SLC26A8: variants seen among roughly 807,000 people sequenced by gnomAD.
SLC26A8 encodes the protein testis anion transporter 1.
In SLC26A8, 70 loss-of-function variants were observed where a neutral mutation model predicts 105.0. That is an observed-to-expected ratio of 0.67 (90% CI 0.55 to 0.81). SLC26A8 has a LOEUF of 0.81. Among genes scored for constraint, SLC26A8 ranks in the 40% least tolerant of loss-of-function variants. The pLI is 0.00. For synonymous variants in SLC26A8, 415 were observed against 438.3 expected, an observed-to-expected ratio of 0.95 and a Z score of 0.66; for missense variants, 998 against 1,181.8, an observed-to-expected ratio of 0.84 and a Z score of 2.28.
At position 35,975,768 on chromosome 6, in the gene SLC26A8, C is replaced by T. The variant is rs1478566438; in HGVS notation, c.1174-280G>A. Among the ~76,000 whole-genome samples the T allele has an allele frequency of 2.0e-5, 3 of 151,842 alleles. No individual in the cohort carries two copies. In the East Asian group the frequency reaches 5.8e-4, roughly 30 times the overall value. Reference sequence around the variant, plus strand: ...GTCTCTACTAAAAATACAAAATTTGCCAGGCATAGTGGCGCATGCCTGTAA... The same window carrying T: ...GTCTCTACTAAAAATACAAAATTTGTCAGGCATAGTGGCGCATGCCTGTAA... On this transcript the variant is annotated intron_variant, in intron 9 of 19. Coordinates refer to ENST00000490799, the MANE Select transcript of SLC26A8 (RefSeq NM_052961.4).
Position 35,997,729 on chromosome 6 carries a change from A to G in SLC26A8, c.627+9T>C, listed in dbSNP as rs771251855. On this transcript the variant is annotated intron_variant, in intron 5 of 19. Coordinates refer to ENST00000490799, the MANE Select transcript of SLC26A8 (RefSeq NM_052961.4). ...TTCCTTTTCAGGGATTTGAAGACTC[A>G]GATCCTACCTGAATAATCCCAGTCA... The G allele has an allele frequency of 6.2e-7, 1 of 1,613,044 alleles. No homozygotes were observed. Among genetic ancestry groups the G allele is most frequent in the Admixed American group, 1.7e-5 (1 of 59,902 alleles).
At position 35,951,241 on chromosome 6, in the gene SLC26A8, C is replaced by T; in HGVS notation, c.2394G>A (p.Arg798=). The T allele has an allele frequency of 1.2e-6, 2 of 1,614,180 alleles. No individual in the cohort carries two copies. Among genetic ancestry groups the T allele is most frequent in the Non-Finnish European group, 1.7e-6 (2 of 1,180,042 alleles). Reference sequence around the variant, plus strand: ...TTAACTCAGAGGAGCCTATGACCTTCCTTGACAAGGCAAACAGCACGGCGT... The same window carrying T: ...TTAACTCAGAGGAGCCTATGACCTTTCTTGACAAGGCAAACAGCACGGCGT... ...VHDAVLFALS[R]KVIGSSELSI... The change falls in exon 19 of 20, where the codon AGG becomes AGA. Residue 798 remains arginine, a synonymous_variant. Coordinates refer to ENST00000490799, the MANE Select transcript of SLC26A8 (RefSeq NM_052961.4).
Position 36,000,061 on chromosome 6 carries a change from T to G in SLC26A8, c.376A>C (p.Ile126Leu). 6.2e-7 allele frequency: 1 copy of G among 1,614,082 alleles called. No individual in the cohort carries two copies. The highest frequency in any genetic ancestry group is 8.5e-7 in the Non-Finnish European group (1 of 1,180,000). ...LARQLIPPLNIAYAAFCSSVI... is the reference protein window; with the variant it reads ...LARQLIPPLNLAYAAFCSSVI... The stretch of plus-strand genomic sequence containing the variant: ...GAAGAACAGAAAGCTGCATAAGCGA[T>G]GTTGAGAGGAGGAATCAGTTGCCTT... The change falls in exon 4 of 20, where the codon ATC becomes CTC. Residue 126 changes from isoleucine to leucine, a missense_variant. Coordinates refer to ENST00000490799, the MANE Select transcript of SLC26A8 (RefSeq NM_052961.4).
Position 35,944,122 on chromosome 6 carries a change from C to A in SLC26A8, c.2691G>T (p.Gln897His). 1 of 1,614,054 alleles carries A rather than the reference C, an allele frequency of 6.2e-7. No individual in the cohort carries two copies. Among genetic ancestry groups the A allele is most frequent in the Non-Finnish European group, 8.5e-7 (1 of 1,180,002 alleles). ...TCTCAGGCTGGGGCTCCATCTCGGT[C>A]TGGGTCTTGGTCTCGGTCTCAGCCT... ...EPKAETETKT[Q>H]TEMEPQPETE... The change falls in exon 20 of 20, where the codon CAG (glutamine) becomes CAT (histidine). Residue 897 changes from glutamine (Q) to histidine (H), a missense_variant. By Grantham distance (24) the Gln-to-His change is conservative. Coordinates refer to ENST00000490799, the MANE Select transcript of SLC26A8 (RefSeq NM_052961.4).
At chr6:35,966,790 C>G (rs189488300) in intron 11 of SLC26A8, among the ~76,000 whole-genome samples, 1 of 152,242 alleles carries the variant, frequency 6.6e-6, no homozygotes, top group Admixed American at 6.5e-5. Context: ...ATAATCACAA[C>G]TGCTCACTCA....
At chr6:35,984,410 C>T (rs1347340456) in intron 7 of SLC26A8, among the ~76,000 whole-genome samples, 2 of 147,590 alleles carry the variant, frequency 1.4e-5, no homozygotes, top group Non-Finnish European at 3.0e-5. Flanking sequence ...GCAACCTCTA[C>T]CTCCTGGGTT....
chr6:35,971,353 C>T (rs1383908807), intron 10 of SLC26A8, among the ~76,000 whole-genome samples: 1 of 148,216 alleles, frequency 6.7e-6, no homozygotes, highest in African/African-American at 2.4e-5. Flanking sequence ...CTTTTCCAGG[C>T]TTTCTTGAGC....
chr6:35,977,272 A>AG lies in SLC26A8; in HGVS notation c.1104dup (p.Ser369LeufsTer49). 6.2e-7 allele frequency: 1 copy of AG among 1,614,100 alleles called. No homozygotes were observed. Among genetic ancestry groups the AG allele is most frequent in the Non-Finnish European group, 8.5e-7 (1 of 1,179,982 alleles). On this transcript the variant is annotated frameshift_variant, in exon 9 of 20. Transcript: ENST00000490799. LOFTEE classifies it high-confidence loss of function. ...TTGCCCAGAAATATGAGCAGAAAGG[A>AG]GCTCACCAAAGATAAGGAGAAGGCT...
In SLC26A8 at chr6:35,998,229, G is replaced by T. The variant is rs548345715; in HGVS notation, c.446-310C>A. The stretch of plus-strand genomic sequence containing the variant: ...AGCTGCTGTGTCTGCTCTTAGAGAA[G>T]GTTAAAAGTGAGATGGCAGTGAAAA... On this transcript the variant is annotated intron_variant, in intron 4 of 19. Coordinates refer to ENST00000490799, the MANE Select transcript of SLC26A8 (RefSeq NM_052961.4). Among the ~76,000 whole-genome samples the T allele has an allele frequency of 2.6e-5, 4 of 152,180 alleles. No homozygotes were observed. The East Asian group carries it at 7.7e-4, about 29-fold the overall frequency.
chr6:35,994,116 C>CTTTTT (rs1168753321), intron 5 of SLC26A8, among the ~76,000 whole-genome samples: 1 of 66,192 alleles, frequency 1.5e-5, no homozygotes, highest in Non-Finnish European at 3.5e-5. Context: ...TTTTTCTTTT[C>CTTTTT]TTTTTTTTTT....
Position 35,944,050 on chromosome 6 carries a change from G to A in SLC26A8, c.2763C>T (p.His921=). The A allele has an allele frequency of 3.1e-6, 5 of 1,614,114 alleles. No homozygotes were observed. The highest frequency in any genetic ancestry group is 3.4e-6 in the Non-Finnish European group (4 of 1,180,002). Residue 921 remains histidine (H), a synonymous_variant, in exon 20 of 20, where the codon CAC becomes CAT. Coordinates refer to ENST00000490799, the MANE Select transcript of SLC26A8 (RefSeq NM_052961.4). ...GCCAGTAACGCTGCTGAGGAAAAGT[G>A]TGAGCTCTTGGCCTAGATTTGGGGT... The part of the protein sequence containing the change: ...EPNPKSRPRA[H]TFPQQRYWPM...
chr6:35,990,626 G>A (rs1172342130), intron 7 of SLC26A8, among the ~76,000 whole-genome samples: 1 of 152,142 alleles, frequency 6.6e-6, no homozygotes, highest in Non-Finnish European at 1.5e-5. Flanking sequence ...AGCATAGTGA[G>A]AAGGAATGGA....
intron 5 of SLC26A8, 69 bp from the exon 6 acceptor site, chr6:35,992,743 C>G: frequency 2.0e-6 from 3 of 1,468,008 alleles, no homozygotes; most frequent in African/African-American, 1.4e-5. Context: ...ATGGCACTCT[C>G]CAGGAAAAGA....
chr6:36,013,979 A>T (rs1761930906), intron 2 of SLC26A8, among the ~76,000 whole-genome samples: 1 of 152,246 alleles, frequency 6.6e-6, no homozygotes, highest in African/African-American at 2.4e-5. Flanking sequence ...TTTCTAGCTC[A>T]GTGTTCTAGC....
chr6:35,992,754 A>C (rs1761210703), intron 5 of SLC26A8, 80 bp from the exon 6 acceptor site: 9 of 1,431,044 alleles, frequency 6.3e-6, no homozygotes, highest in Non-Finnish European at 7.5e-6. Context: ...CAGGAAAAGA[A>C]GGGTTTCCAA....
intron 7 of SLC26A8, among the ~76,000 whole-genome samples, chr6:35,985,434 C>A (rs1466754306): frequency 6.6e-6 from 1 of 152,004 alleles, no homozygotes; most frequent in Non-Finnish European, 1.5e-5. Flanking sequence ...GTGGCTCATG[C>A]CTGTAATCCC....
chr6:36,010,255 A>G (rs1218644833), intron 3 of SLC26A8, among the ~76,000 whole-genome samples: 2 of 152,224 alleles, frequency 1.3e-5, no homozygotes, highest in African/African-American at 4.8e-5. Context: ...TTACTAAGCA[A>G]TAAAAATGAA....
intron 19 of SLC26A8, among the ~76,000 whole-genome samples, chr6:35,950,626 T>C (rs1186092448): frequency 6.6e-6 from 1 of 152,178 alleles, no homozygotes; most frequent in Non-Finnish European, 1.5e-5. Flanking sequence ...CAGACTTATA[T>C]ATTATTCTCC....
chr6:35,951,082 C>T, intron 19 of SLC26A8, 81 bp downstream of exon 19: 1 of 1,338,678 alleles, frequency 7.5e-7, no homozygotes, highest in Non-Finnish European at 1.0e-6. Flanking sequence ...TCCTGACTCC[C>T]AGCCCCCAAC....
Sources: gnomAD v4.1 joint callset for allele counts (sites outside exome capture counted in the v4.1 genomes callset) on GRCh38, gnomAD v4.1.1 for gene constraint, MANE v1.5 for transcripts, NCBI Gene and HGNC (gene_info 2026-07-23, HGNC 2026-07-21) for gene names.